The following FGD5 variants were observed in gnomAD, a reference collection of about 807,000 sequenced individuals.
FGD5 encodes the protein FYVE, RhoGEF and PH domain containing 5.
FGD5 carries 28 observed loss-of-function variants against 133.4 expected under a neutral mutation model. The ratio of observed to expected loss-of-function variants is 0.21; its 90% CI spans 0.16 to 0.29. The LOEUF (loss-of-function observed/expected upper bound fraction) is 0.29. Among genes scored for constraint, FGD5 ranks in the 10% least tolerant of loss-of-function variants. The probability of loss-of-function intolerance (pLI) is 1.00; values close to 1 mark genes in which losing one functional copy is unlikely to be tolerated. For missense variants in FGD5, 1,858 were observed against 1,895.2 expected, an observed-to-expected ratio of 0.98 and a Z score of 0.36; for synonymous variants, 810 against 776.5, an observed-to-expected ratio of 1.04 and a Z score of -0.72.
intron 1 of FGD5, among the ~76,000 whole-genome samples, chr3:14,853,526 G>A (rs534805229): frequency 1.2e-3 from 182 of 152,018 alleles, no homozygotes; most frequent in Non-Finnish European, 2.1e-3. Flanking sequence ...GGAGGGGCTG[G>A]GAGAAGTTAC....
chr3:14,919,957 G>A (rs2038642518), intron 13 of FGD5, among the ~76,000 whole-genome samples: 1 of 152,190 alleles, frequency 6.6e-6, no homozygotes, highest in Non-Finnish European at 1.5e-5. Flanking sequence ...AATTTGGGGG[G>A]ACACAAACAT....
At chr3:14,853,820 T>C (rs1049509340) in intron 1 of FGD5, among the ~76,000 whole-genome samples, 8 of 151,318 alleles carry the variant, frequency 5.3e-5, no homozygotes, top group Non-Finnish European at 1.0e-4. Context: ...CTTACAACTC[T>C]AGGCTGCCGA....
intron 1 of FGD5, among the ~76,000 whole-genome samples, chr3:14,861,010 T>A (rs1162205063): frequency 6.6e-6 from 1 of 152,096 alleles, no homozygotes; most frequent in Non-Finnish European, 1.5e-5. Flanking sequence ...AAATACAGTG[T>A]TAAAAGAATA....
intron 10 of FGD5, among the ~76,000 whole-genome samples, chr3:14,910,354 G>C (rs1325775238): frequency 6.6e-6 from 1 of 152,158 alleles, no homozygotes; most frequent in Admixed American, 6.6e-5. Flanking sequence ...GACAATAACA[G>C]GGTAATAATT....
intron 1 of FGD5, among the ~76,000 whole-genome samples, chr3:14,862,338 C>T (rs2037415305): frequency 1.3e-5 from 2 of 152,186 alleles, no homozygotes; most frequent in Admixed American, 1.3e-4. Context: ...ATGCAGGCAG[C>T]TCTGGAGGGA....
At chr3:14,915,182 G>A (rs1044085102) in intron 11 of FGD5, among the ~76,000 whole-genome samples, 8 of 152,234 alleles carry the variant, frequency 5.3e-5, no homozygotes, top group African/African-American at 1.2e-4. Flanking sequence ...AGCAAGGCCC[G>A]GAGAGAGGGA....
chr3:14,844,220 ATATATATATATATATATATATATATATAT>A (rs1559477433), intron 1 of FGD5, among the ~76,000 whole-genome samples: 574 of 16,360 alleles, frequency 0.035, 65 homozygotes, highest in Non-Finnish European at 0.043. Context: ...AAAAAAAAAT[ATATATATATATATATATATATATATATAT>A]ATATATATAT....
At chr3:14,856,649 AT>A (rs11294286) in intron 1 of FGD5, among the ~76,000 whole-genome samples, 24,310 of 148,440 alleles carry the variant, frequency 0.16, 2,297 homozygotes, top group East Asian at 0.4. Flanking sequence ...TAGTATTGTG[AT>A]TTTTTTTTTG....
At chr3:14,859,546 C>T (rs564761107) in intron 1 of FGD5, among the ~76,000 whole-genome samples, 1 of 151,004 alleles carries the variant, frequency 6.6e-6, no homozygotes, top group Admixed American at 6.6e-5. Flanking sequence ...GGTGACAGAG[C>T]GAGACCTCCC....
intron 1 of FGD5, among the ~76,000 whole-genome samples, chr3:14,863,392 T>C (rs1370512671): frequency 1.3e-5 from 2 of 152,004 alleles, no homozygotes; most frequent in Non-Finnish European, 2.9e-5. Flanking sequence ...GAGTTCACAT[T>C]TGAGGACAGG....
chr3:14,837,266 A>G (rs1243287326), intron 1 of FGD5, among the ~76,000 whole-genome samples: 3 of 152,184 alleles, frequency 2.0e-5, no homozygotes, highest in African/African-American at 4.8e-5. Flanking sequence ...TGCTGTCTCC[A>G]TGGCTGGAGA....
chr3:14,911,438 A>G (rs528509168), intron 11 of FGD5, among the ~76,000 whole-genome samples: 3 of 152,176 alleles, frequency 2.0e-5, no homozygotes, highest in South Asian at 2.1e-4. Context: ...GAGTGCCCCA[A>G]TCCTGAGACC....
Position 14,821,460 on chromosome 3 carries a change from G to A in FGD5, c.2389G>A (p.Ala797Thr). ...GATTCCACCCCGGAGACCTGCCAGG[G>A]CTGGCGCGTTCACGAAGCTGTTTGA... ...IQIPPRRPAR[A>T]GAFTKLFEDQ... The change falls in exon 1 of 20, where the codon GCT becomes ACT. Residue 797 changes from alanine (A) to threonine (T), a missense_variant. This residue lies in a region of FGD5 where 1,824 missense variants were observed against 1,848.9 expected (regional missense o/e 0.99). Transcript: ENST00000285046. The A allele has an allele frequency of 6.2e-7, 1 of 1,614,026 alleles. No individual in the cohort carries two copies. Among genetic ancestry groups the A allele is most frequent in the African/African-American group, 1.3e-5 (1 of 75,062 alleles).
chr3:14,925,472 C>T (rs1318150563), intron 17 of FGD5, among the ~76,000 whole-genome samples: 1 of 152,116 alleles, frequency 6.6e-6, no homozygotes, highest in Non-Finnish European at 1.5e-5. Flanking sequence ...CAGCAAATTG[C>T]TCATCATTAA....
chr3:14,844,204 TAAAAAAAAA>T (rs1168327274), intron 1 of FGD5, among the ~76,000 whole-genome samples: 1 of 17,242 alleles, frequency 5.8e-5, no homozygotes, highest in Admixed American at 8.7e-4. Flanking sequence ...TAATAGGCAT[TAAAAAAAAA>T]AAAAATATAT....
intron 1 of FGD5, among the ~76,000 whole-genome samples, chr3:14,845,316 GA>G (rs1474547042): frequency 6.6e-6 from 1 of 152,174 alleles, no homozygotes; most frequent in African/African-American, 2.4e-5. Flanking sequence ...ATTTTACTCT[GA>G]AAGGTTTAAG....
chr3:14,834,769 T>C (rs375569174), intron 1 of FGD5, among the ~76,000 whole-genome samples: 38 of 152,318 alleles, frequency 2.5e-4, no homozygotes, highest in Non-Finnish European at 4.1e-4. Context: ...AGGCGGGGCA[T>C]GTAAGAAGCA....
At chr3:14,816,221 G>A (rs921278444), upstream of FGD5, among the ~76,000 whole-genome samples, 10 of 152,146 alleles carry the variant, frequency 6.6e-5, no homozygotes, top group African/African-American at 2.2e-4. Flanking sequence ...CTGTCCCTTT[G>A]TCCTGTCTCA....
chr3:14,928,006 A>G (rs980478590), intron 18 of FGD5, among the ~76,000 whole-genome samples: 6 of 150,690 alleles, frequency 4.0e-5, no homozygotes, highest in African/African-American at 7.3e-5. Context: ...CAGTGGTGCA[A>G]TCTTGGCTCA....
Sources: gnomAD v4.1 joint callset for allele counts (sites outside exome capture counted in the v4.1 genomes callset) on GRCh38, gnomAD v4.1.1 for gene constraint, gnomAD v4.1.1 regional missense constraint, MANE v1.5 for transcripts, NCBI Gene and HGNC (gene_info 2026-07-23, HGNC 2026-07-21) for gene names.